Variants in TRMT11 observed in about 807,000 individuals in gnomAD.
TRMT11 encodes the protein tRNA (guanine(10)-N(2))-methyltransferase TRMT11.
A neutral mutation model predicts 62.8 loss-of-function variants in TRMT11; 53 were observed. The observed-to-expected ratio is 0.84, with a 90% CI of 0.68 to 1.06. The LOEUF (loss-of-function observed/expected upper bound fraction) is 1.06. Ranked by LOEUF, TRMT11 falls within the 50% of genes least tolerant of loss-of-function variation. The pLI is 0.00. For missense variants in TRMT11, 556 were observed against 553.4 expected, an observed-to-expected ratio of 1.00 and a Z score of -0.05; for synonymous variants, 188 against 190.3, an observed-to-expected ratio of 0.99 and a Z score of 0.10.
At chr6:126,209,564 C>CA in the TRMT11 span, among the ~76,000 whole-genome samples, 2,645 of 138,124 alleles carry the variant, frequency 0.019, 39 homozygotes, top group African/African-American at 0.045. Flanking sequence ...ACTAAAAATA[C>CA]AAAAAAAAAA....
Position 126,000,855 on chromosome 6 carries a change from CTAAG to C in TRMT11, c.679+1246_679+1249del, listed in dbSNP as rs569370705. Among the ~76,000 whole-genome samples the C allele has an allele frequency of 3.3e-3, 507 of 152,222 alleles. 7 individuals carry two copies. The highest frequency in any genetic ancestry group is 0.016 in the Admixed American group (249 of 15,280). On this transcript the variant is annotated intron_variant, in intron 7 of 12. Transcript: ENST00000334379. The stretch of plus-strand genomic sequence containing the variant: ...TCTTTTCTTCCCCACTCTCATTATC[CTAAG>C]TAACTCACCCCAAATTTTAAACTTT...
the TRMT11 span, among the ~76,000 whole-genome samples, chr6:126,216,808 C>G: frequency 6.6e-6 from 1 of 152,028 alleles, no homozygotes; most frequent in Non-Finnish European, 1.5e-5. Flanking sequence ...GTTCTCTGTT[C>G]TTATCCCTCT....
intron 9 of TRMT11, among the ~76,000 whole-genome samples, chr6:126,012,269 T>A (rs189236450): frequency 4.6e-5 from 7 of 152,336 alleles, no homozygotes; most frequent in African/African-American, 1.7e-4. Flanking sequence ...TACATTTTTT[T>A]TTTCCGATCA....
chr6:126,163,856 T>C (rs1778227279), intron 21 of TRMT11, among the ~76,000 whole-genome samples: 1 of 152,222 alleles, frequency 6.6e-6, no homozygotes, highest in South Asian at 2.1e-4. Flanking sequence ...TATTTGATTC[T>C]TCTCTCTTTT....
chr6:126,193,513 T>TTTTTTTTTTTTTTTTTTTC (rs1778629161), intron 1 of TRMT11, among the ~76,000 whole-genome samples: 1 of 145,368 alleles, frequency 6.9e-6, no homozygotes, highest in African/African-American at 2.6e-5. Context: ...TTTTTTTTTT[T>TTTTTTTTTTTTTTTTTTTC]TGAGACACAG....
chr6:126,140,297 A>G (rs879644497), intron 21 of TRMT11, among the ~76,000 whole-genome samples: 8 of 152,054 alleles, frequency 5.3e-5, no homozygotes, highest in Admixed American at 1.3e-4. Flanking sequence ...TTCAAGGTGT[A>G]TATATCTTCA....
At chr6:126,029,340 A>C (rs867295680) in intron 12 of TRMT11, among the ~76,000 whole-genome samples, 1 of 152,170 alleles carries the variant, frequency 6.6e-6, no homozygotes, top group African/African-American at 2.4e-5. Context: ...GTTATAGAGT[A>C]ATGCAGCACT....
At chr6:126,258,021 T>TC in the TRMT11 span, 2 of 1,493,422 alleles carry the variant, frequency 1.3e-6, no homozygotes. Flanking sequence ...AACCAGCAGC[T>TC]CCTCGACCCT....
chr6:126,251,558 T>C, the TRMT11 span, among the ~76,000 whole-genome samples: 2 of 152,126 alleles, frequency 1.3e-5, no homozygotes, highest in African/African-American at 4.8e-5. Context: ...TTGTACAACA[T>C]ATCTCCTCAA....
At chr6:126,131,644 C>T (rs1235350029) in intron 21 of TRMT11, among the ~76,000 whole-genome samples, 1 of 152,016 alleles carries the variant, frequency 6.6e-6, no homozygotes, top group African/African-American at 2.4e-5. Context: ...CCACCCACCC[C>T]ACTACCACAT....
chr6:126,225,803 C>T, the TRMT11 span, among the ~76,000 whole-genome samples: 1 of 150,876 alleles, frequency 6.6e-6, no homozygotes, highest in Non-Finnish European at 1.5e-5. Context: ...GATTTTCCCA[C>T]CTCAGCCTCC....
At chr6:126,224,751 A>T in the TRMT11 span, among the ~76,000 whole-genome samples, 8 of 152,206 alleles carry the variant, frequency 5.3e-5, no homozygotes, top group Admixed American at 3.9e-4. Context: ...GACAGGTTAC[A>T]TGCACTGTTG....
upstream of TRMT11, among the ~76,000 whole-genome samples, chr6:126,174,054 T>G (rs1778358481): frequency 6.6e-6 from 1 of 152,146 alleles, no homozygotes; most frequent in Non-Finnish European, 1.5e-5. Context: ...TCAAGTTCCA[T>G]CCCAGAACCT....
At chr6:126,239,878 C>T in the TRMT11 span, among the ~76,000 whole-genome samples, 1 of 152,130 alleles carries the variant, frequency 6.6e-6, no homozygotes. Flanking sequence ...TTCACATAGT[C>T]CTATATTTCT....
chr6:126,085,922 C>G (rs994125812), intron 17 of TRMT11, among the ~76,000 whole-genome samples: 2 of 152,108 alleles, frequency 1.3e-5, no homozygotes, highest in Non-Finnish European at 2.9e-5. Flanking sequence ...CATGTGTGGT[C>G]TGTAACTTCC....
intron 21 of TRMT11, among the ~76,000 whole-genome samples, chr6:126,165,124 G>GA (rs1298266563): frequency 6.6e-6 from 1 of 151,820 alleles, no homozygotes; most frequent in Non-Finnish European, 1.5e-5. Flanking sequence ...TAAAAATAAA[G>GA]AAAATTAGCT....
chr6:126,086,285 C>A (rs1299013376), intron 17 of TRMT11, among the ~76,000 whole-genome samples: 2 of 152,120 alleles, frequency 1.3e-5, no homozygotes, highest in African/African-American at 4.8e-5. Flanking sequence ...TCACTTAGTT[C>A]CTAGCAAAAT....
chr6:126,252,141 C>T, the TRMT11 span, among the ~76,000 whole-genome samples: 2 of 152,192 alleles, frequency 1.3e-5, no homozygotes. Flanking sequence ...GAAAGGACAG[C>T]TCTTCTCTTC....
chr6:126,127,056 G>A (rs533599108), intron 21 of TRMT11, among the ~76,000 whole-genome samples: 3 of 152,150 alleles, frequency 2.0e-5, no homozygotes, highest in Admixed American at 6.5e-5. Flanking sequence ...TGTTGTAGTC[G>A]AGAACAATAT....
Sources: gnomAD v4.1 joint callset for allele counts (sites outside exome capture counted in the v4.1 genomes callset) on GRCh38, gnomAD v4.1.1 for gene constraint, MANE v1.5 for transcripts, NCBI Gene and HGNC (gene_info 2026-07-23, HGNC 2026-07-21) for gene names.